NFE2L3: variants seen among roughly 807,000 people sequenced by gnomAD.
NFE2L3 encodes NFE2 like bZIP transcription factor 3, also known as nuclear factor erythroid 2-related factor 3.
In NFE2L3, 18 loss-of-function variants were observed where a neutral mutation model predicts 23.5. That is an observed-to-expected ratio of 0.77 (90% CI 0.53 to 1.13). The LOEUF (loss-of-function observed/expected upper bound fraction) is 1.13, where lower values mean the gene tolerates loss of function less well. Ranked by LOEUF, NFE2L3 falls within the 50% of genes most tolerant of loss-of-function variation. The pLI is 0.00. For missense variants in NFE2L3, 1,152 were observed against 877.2 expected (o/e 1.31, Z -3.96); for synonymous variants, 424 against 354.5 (o/e 1.20, Z -2.20).
At chr7:26,177,759 C>T (rs1330265444) in intron 1 of NFE2L3, among the ~76,000 whole-genome samples, 184 bp from the exon 2 acceptor site, 1 of 152,212 alleles carries the variant, frequency 6.6e-6, no homozygotes, top group Non-Finnish European at 1.5e-5. Context: ...CAGATTAGAA[C>T]AGCCTGTCTC....
Position 26,177,938 on chromosome 7 carries a change from T to C in NFE2L3, c.571-5T>C, listed in dbSNP as rs1784443829. Reference sequence around the variant, plus strand: ...CTTATTTGATGAAATTTCGTACTTTTATAGGAGAATGGGGTACTAAGAGAA... The same window carrying C: ...CTTATTTGATGAAATTTCGTACTTTCATAGGAGAATGGGGTACTAAGAGAA... On this transcript the variant is annotated splice_region_variant and splice_polypyrimidine_tract_variant and intron_variant, in intron 1 of 3. Transcript: ENST00000056233. The C allele has an allele frequency of 4.4e-6, 7 of 1,608,250 alleles. No individual in the cohort carries two copies. Among genetic ancestry groups the C allele is most frequent in the Non-Finnish European group, 5.9e-6 (7 of 1,178,278 alleles).
At position 26,184,684 on chromosome 7, in the gene NFE2L3, G is replaced by A; in HGVS notation, c.986G>A (p.Arg329Lys). 3 of 1,613,848 alleles carry A rather than the reference G, an allele frequency of 1.9e-6. No individual in the cohort carries two copies. The highest frequency in any genetic ancestry group is 2.5e-6 in the Non-Finnish European group (3 of 1,179,834). Residue 329 changes from arginine to lysine, a missense_variant, in exon 4 of 4, where the codon AGA (arginine) becomes AAA (lysine). Physicochemically the swap from Arg to Lys is conservative, Grantham distance 26 (BLOSUM62 2). Transcript: ENST00000056233. ...ILLCPNNTFR[R>K]DPTARTSQSQ... ...CTTTGTCCCAACAATACATTTAGAAGAGATCCAACAGCAAGGACTTCACAG... is the reference window on the plus strand; with the variant it reads ...CTTTGTCCCAACAATACATTTAGAAAAGATCCAACAGCAAGGACTTCACAG...
intron 2 of NFE2L3, among the ~76,000 whole-genome samples, chr7:26,180,219 C>T (rs977978089): frequency 2.0e-5 from 3 of 152,152 alleles, no homozygotes; most frequent in Non-Finnish European, 4.4e-5. Context: ...AAGTGGTCTC[C>T]TTGAGGCCCT....
At position 26,185,543 on chromosome 7, in the gene NFE2L3, A is replaced by T. The variant is rs978823914; in HGVS notation, c.1845A>T (p.Ala615=). Residue 615 remains alanine (A), a synonymous_variant, in exon 4 of 4, where the codon GCA becomes GCT. Transcript: ENST00000056233. ...NLEDDVCNLQ[A]KKETLKREQA... ...AAGATGATGTATGTAACTTGCAAGC[A>T]AAGAAGGAAACTCTTAAGAGAGAGC... The T allele has an allele frequency of 2.1e-5, 34 of 1,613,788 alleles. No individual in the cohort carries two copies. In the South Asian group the frequency reaches 3.6e-4, roughly 17 times the overall value.
intron 1 of NFE2L3, among the ~76,000 whole-genome samples, chr7:26,175,116 G>A (rs1486695031): frequency 2.0e-5 from 3 of 151,778 alleles, no homozygotes; most frequent in African/African-American, 7.3e-5. Context: ...GGAGGCTGAG[G>A]CGGACGGATC....
At chr7:26,178,835 T>C (rs141139459) in intron 2 of NFE2L3, among the ~76,000 whole-genome samples, 2 of 152,230 alleles carry the variant, frequency 1.3e-5, no homozygotes, top group Non-Finnish European at 2.9e-5. Context: ...CACGTGGCAC[T>C]TCCACCTGGA....
intron 1 of NFE2L3, among the ~76,000 whole-genome samples, chr7:26,154,078 T>G (rs1477181593): frequency 6.6e-6 from 1 of 152,220 alleles, no homozygotes; most frequent in Non-Finnish European, 1.5e-5. Context: ...GCCGTTTGTG[T>G]AGGCTGTTGC....
Position 26,152,538 on chromosome 7 carries a change from C to T in NFE2L3, c.40C>T (p.Leu14Phe). 1.3e-6 allele frequency: 2 copies of T among 1,482,152 alleles called. No homozygotes were observed. Among genetic ancestry groups the T allele is most frequent in the Non-Finnish European group, 1.8e-6 (2 of 1,120,374 alleles). 91.8% of individuals were successfully genotyped at this position (1,482,152 alleles called of 1,614,324 possible). A position where few individuals can be genotyped will look rare whatever the true frequency, so the allele number is the denominator to read the frequency against. Residue 14 changes from leucine (L) to phenylalanine (F), a missense_variant, in exon 1 of 4, where the codon CTC becomes TTC. By Grantham distance (22) the Leu-to-Phe change is conservative. Transcript: ENST00000056233. This position sits in a 1 kb window ranked among gnomAD's most constrained non-coding sequence, Gnocchi z 4.4. ...LKRWWSAGGG[L>F]LHLTLLLSLA... ...GCGGTGGTGGTCGGCCGGCGGCGGCCTCCTGCACCTCACCCTCCTGCTGAG... is the reference window on the plus strand; with the variant it reads ...GCGGTGGTGGTCGGCCGGCGGCGGCTTCCTGCACCTCACCCTCCTGCTGAG...
chr7:26,155,240 C>T (rs142351142), intron 1 of NFE2L3, among the ~76,000 whole-genome samples: 7 of 152,108 alleles, frequency 4.6e-5, no homozygotes, highest in South Asian at 2.1e-4. Flanking sequence ...GTCAGGAGTT[C>T]GAGACCAGAC....
intron 1 of NFE2L3, 152 bp from the exon 2 acceptor site, chr7:26,177,791 C>A: frequency 3.0e-6 from 2 of 677,644 alleles, no homozygotes; most frequent in Non-Finnish European, 5.0e-6. Context: ...TAAAACTGAC[C>A]TTTGTTTCTG....
chr7:26,175,923 G>T (rs1292194298), intron 1 of NFE2L3, among the ~76,000 whole-genome samples: 4 of 149,714 alleles, frequency 2.7e-5, no homozygotes, highest in Non-Finnish European at 5.9e-5. Context: ...GATGTGGCAG[G>T]GTCATAGGAT....
At chr7:26,154,882 G>A (rs1276397557) in intron 1 of NFE2L3, among the ~76,000 whole-genome samples, 2 of 152,190 alleles carry the variant, frequency 1.3e-5, no homozygotes, top group Non-Finnish European at 2.9e-5. Context: ...TTGAGCCTAG[G>A]CCAGCCAAAC....
chr7:26,171,823 T>C (rs1300233359), intron 1 of NFE2L3, among the ~76,000 whole-genome samples: 1 of 152,120 alleles, frequency 6.6e-6, no homozygotes, highest in Non-Finnish European at 1.5e-5. Flanking sequence ...TTGACTAGCC[T>C]GGGCAACATA....
intron 2 of NFE2L3, among the ~76,000 whole-genome samples, chr7:26,178,364 C>T (rs931732310): frequency 6.6e-6 from 1 of 152,220 alleles, no homozygotes; most frequent in Non-Finnish European, 1.5e-5. Context: ...CACACACCCC[C>T]TTCCAGGACC....
intron 1 of NFE2L3, among the ~76,000 whole-genome samples, chr7:26,177,139 C>T (rs1245160158): frequency 6.9e-6 from 1 of 145,718 alleles, no homozygotes; most frequent in Non-Finnish European, 1.5e-5. Flanking sequence ...AGAGGCGCTC[C>T]TTACATCCCA....
chr7:26,157,504 A>G (rs1357277673), intron 1 of NFE2L3, among the ~76,000 whole-genome samples: 3 of 152,180 alleles, frequency 2.0e-5, no homozygotes, highest in Admixed American at 6.5e-5. Context: ...TAAAGTAAAA[A>G]TTGTTTTTCA....
At chr7:26,173,949 T>G (rs1314108065) in intron 1 of NFE2L3, 1 of 152,096 alleles carries the variant, frequency 6.6e-6, no homozygotes, top group East Asian at 1.9e-4. Context: ...GGAAAAAGAT[T>G]TTGATGTAGT....
In NFE2L3 at chr7:26,166,227, G is replaced by A. The variant is rs370722048; in HGVS notation, c.571-11716G>A. 9.2e-5 allele frequency among the ~76,000 whole-genome samples: 14 copies of A among 152,270 alleles called. No homozygotes were observed. In the South Asian group the frequency reaches 2.7e-3, roughly 29 times the overall value. ...CATGTGGTCAGGGGCAGACAGGGAC[G>A]TTGGAGTGCCCAGAGGCTCCCGGTG... On this transcript the variant is annotated intron_variant, in intron 1 of 3. Transcript: ENST00000056233.
Position 26,185,720 on chromosome 7 carries a change from A to G in NFE2L3, c.2022A>G (p.Ile674Met). ...GTACCCATGATGGAAGTATCTTGAT[A>G]GTACCCAAAGAACTGGTGGCCTCAG... Reference protein sequence around the residue: ...LQCTHDGSILIVPKELVASGH... With the variant: ...LQCTHDGSILMVPKELVASGH... Residue 674 changes from isoleucine (I) to methionine (M), a missense_variant, in exon 4 of 4, where the codon ATA becomes ATG. Ile to Met is a conservative substitution (Grantham distance 10, BLOSUM62 1). Coordinates refer to ENST00000056233, the MANE Select transcript of NFE2L3 (RefSeq NM_004289.7). 6 of 1,611,906 alleles carry G rather than the reference A, an allele frequency of 3.7e-6. No homozygotes were observed. The highest frequency in any genetic ancestry group is 1.1e-5 in the South Asian group (1 of 90,286).
Sources: allele counts gnomAD v4.1 joint callset (sites outside exome capture counted in the v4.1 genomes callset), GRCh38; gene constraint gnomAD v4.1.1; non-coding constraint Gnocchi (gnomAD v3.1); transcripts MANE v1.5; gene names NCBI Gene and HGNC (gene_info 2026-07-23, HGNC 2026-07-21).